ABCB1: variants seen among roughly 807,000 people sequenced by gnomAD.
ABCB1 encodes ATP binding cassette subfamily B member 1.
A neutral mutation model predicts 142.0 loss-of-function variants in ABCB1; 69 were observed. The observed-to-expected ratio is 0.49, with a 90% CI of 0.40 to 0.59. The LOEUF (loss-of-function observed/expected upper bound fraction) is 0.59, where lower values mean the gene tolerates loss of function less well. Ranked by LOEUF, ABCB1 falls within the 20% of genes least tolerant of loss-of-function variation. The pLI, the probability that ABCB1 is intolerant of heterozygous loss-of-function variation, is 0.00. For synonymous variants in ABCB1, 532 were observed against 539.2 expected, an observed-to-expected ratio of 0.99 and a Z score of 0.18; for missense variants, 1,326 against 1,554.7, an observed-to-expected ratio of 0.85 and a Z score of 2.47.
intron 1 of ABCB1, among the ~76,000 whole-genome samples, chr7:87,624,032 T>G (rs1290687363): frequency 1.3e-5 from 2 of 152,356 alleles, no homozygotes; most frequent in Admixed American, 6.5e-5. Context: ...TCTGCAGGAG[T>G]ATTTTATAGA....
chr7:87,549,310 C>T lies in ABCB1; in HGVS notation c.1725+38G>A, dbSNP rs2235013. 0.48 allele frequency: 769,192 copies of T among 1,612,476 alleles called. 185,124 individuals carry two copies. Among genetic ancestry groups the T allele is most frequent in the Non-Finnish European group, 0.49 (578,456 of 1,178,906 alleles). On this transcript the variant is annotated intron_variant, in intron 14 of 27. Coordinates refer to ENST00000622132, the MANE Select transcript of ABCB1 (RefSeq NM_001348946.2). ...GAATTAGTAGTAGAATGTTCTTATG[C>T]TTATAAATCAGGTTGGTTTGAACTA...
At chr7:87,586,151 G>C (rs374625231) in intron 3 of ABCB1, among the ~76,000 whole-genome samples, 1 of 152,048 alleles carries the variant, frequency 6.6e-6, no homozygotes, top group Non-Finnish European at 1.5e-5. Context: ...CTGGTATAAA[G>C]GTAAAATGAT....
At chr7:87,580,554 G>A (rs1048043899) in intron 4 of ABCB1, among the ~76,000 whole-genome samples, 4 of 151,996 alleles carry the variant, frequency 2.6e-5, no homozygotes, top group African/African-American at 9.7e-5. Context: ...AATATGCTTG[G>A]TGTCCCACAA....
intron 1 of ABCB1, chr7:87,709,484 A>G (rs1829882006): frequency 1.0e-6 from 1 of 985,450 alleles, no homozygotes; most frequent in African/African-American, 1.7e-5. Context: ...AGCACAGGGC[A>G]AGCTAAAAGG....
At chr7:87,615,241 GC>G (rs914936384) in intron 1 of ABCB1, among the ~76,000 whole-genome samples, 12 of 152,028 alleles carry the variant, frequency 7.9e-5, no homozygotes, top group Non-Finnish European at 1.0e-4. Context: ...ATCCCCAAAA[GC>G]CTCTACACAG....
In ABCB1 at chr7:87,628,572, G is replaced by GGTGC. The variant is rs1226549428; in HGVS notation, c.-330-27498_-330-27495dup. The GGTGC allele has an allele frequency of 3.8e-3, 1,227 of 326,656 alleles. 4 individuals carry two copies. Among genetic ancestry groups the GGTGC allele is most frequent in the East Asian group, 0.012 (261 of 21,742 alleles). 20.2% of individuals were successfully genotyped at this position (326,656 alleles called of 1,614,324 possible). On this transcript the variant is annotated intron_variant, in intron 1 of 28. Coordinates refer to the ABCB1 transcript ENST00000265724. ...TCGGCGGCGCGCCGAGGGCGGAGGT[G>GGTGC]GTGCGTGCGTGCGTGTGTGTGTGTG...
chr7:87,688,208 G>A (rs773920152), intron 1 of ABCB1, among the ~76,000 whole-genome samples: 1 of 152,002 alleles, frequency 6.6e-6, no homozygotes, highest in African/African-American at 2.4e-5. Flanking sequence ...TGTAATTCTC[G>A]AAGCATCCGG....
At position 87,541,504 on chromosome 7, in the gene ABCB1, G is replaced by A. The variant is rs1584862080; in HGVS notation, c.2212-40C>T. The A allele has an allele frequency of 2.9e-6, 4 of 1,383,782 alleles. No individual in the cohort carries two copies. In the South Asian group the frequency reaches 4.6e-5, roughly 16 times the overall value. 85.7% of individuals were successfully genotyped at this position (1,383,782 alleles called of 1,614,324 possible). ...TTAAAGGATTTTTAGTTCAATCAGT[G>A]AAGAACCCATCCTGGACCTGACCCA... is the stretch of plus-strand genomic sequence containing the variant. On this transcript the variant is annotated intron_variant, in intron 17 of 27. Coordinates refer to ENST00000622132, the MANE Select transcript of ABCB1 (RefSeq NM_001348946.2).
At chr7:87,575,928 A>G (rs1015567433) in intron 4 of ABCB1, among the ~76,000 whole-genome samples, 2 of 152,146 alleles carry the variant, frequency 1.3e-5, no homozygotes, top group Non-Finnish European at 2.9e-5. Flanking sequence ...AAGATACCAG[A>G]CTAAAAAGTA....
chr7:87,674,055 C>G (rs1826082465), intron 1 of ABCB1, among the ~76,000 whole-genome samples: 1 of 152,122 alleles, frequency 6.6e-6, no homozygotes, highest in Non-Finnish European at 1.5e-5. Flanking sequence ...TGTTCTCTGG[C>G]CCCTCAAGGT....
intron 1 of ABCB1, among the ~76,000 whole-genome samples, chr7:87,649,894 G>A (rs778117869): frequency 6.6e-6 from 1 of 152,086 alleles, no homozygotes; most frequent in Admixed American, 6.6e-5. Context: ...GCTCTCTTGC[G>A]TGCTGCCATG....
chr7:87,609,714 G>A (rs1322047404), intron 1 of ABCB1, among the ~76,000 whole-genome samples: 9 of 152,072 alleles, frequency 5.9e-5, no homozygotes, highest in Non-Finnish European at 1.2e-4. Flanking sequence ...TTGTTTTAAT[G>A]ATCATTCTTC....
intron 3 of ABCB1, among the ~76,000 whole-genome samples, chr7:87,587,069 C>A (rs905306736): frequency 6.6e-6 from 1 of 152,084 alleles, no homozygotes; most frequent in Admixed American, 6.5e-5. Flanking sequence ...AATGGGACAA[C>A]ACGTTTTGGC....
chr7:87,637,092 A>ATT (rs1821853333), intron 1 of ABCB1, among the ~76,000 whole-genome samples: 1 of 152,176 alleles, frequency 6.6e-6, no homozygotes, highest in South Asian at 2.1e-4. Flanking sequence ...CCATGATTCA[A>ATT]TTACCTCCCA....
At chr7:87,620,107 T>C (rs1451232269) in intron 1 of ABCB1, among the ~76,000 whole-genome samples, 4 of 152,164 alleles carry the variant, frequency 2.6e-5, no homozygotes, top group Non-Finnish European at 4.4e-5. Flanking sequence ...ACATCATAGC[T>C]GAAAATCCTG....
At chr7:87,602,317 T>C (rs372932561), upstream of ABCB1, among the ~76,000 whole-genome samples, 23 of 141,670 alleles carry the variant, frequency 1.6e-4, no homozygotes, top group African/African-American at 3.3e-4. Flanking sequence ...TTTTTTTTTT[T>C]CACAAATTGT....
intron 1 of ABCB1, among the ~76,000 whole-genome samples, chr7:87,691,899 T>G (rs1828050737): frequency 6.6e-6 from 1 of 152,306 alleles, no homozygotes; most frequent in Non-Finnish European, 1.5e-5. Context: ...GGCCTACCTT[T>G]TCTCATCTGT....
At chr7:87,611,257 G>T (rs1290573255) in intron 1 of ABCB1, among the ~76,000 whole-genome samples, 3 of 152,066 alleles carry the variant, frequency 2.0e-5, no homozygotes, top group Admixed American at 6.6e-5. Flanking sequence ...CCAGTCTTCT[G>T]TCAGCTCCTT....
intron 1 of ABCB1, among the ~76,000 whole-genome samples, chr7:87,667,869 C>T (rs1161804844): frequency 1.3e-5 from 2 of 152,098 alleles, no homozygotes; most frequent in African/African-American, 2.4e-5. Context: ...TTTTGATGTG[C>T]TGCCAGATTT....
Sources: gnomAD v4.1 joint callset for allele counts (sites outside exome capture counted in the v4.1 genomes callset) on GRCh38, gnomAD v4.1.1 for gene constraint, MANE v1.5 for transcripts, NCBI Gene and HGNC (gene_info 2026-07-23, HGNC 2026-07-21) for gene names.